PALS2: variants seen among roughly 807,000 people sequenced by gnomAD.
PALS2 encodes protein associated with LIN7 2, MAGUK p55 family member.
In PALS2, 27 loss-of-function variants were observed where a neutral mutation model predicts 61.6. The ratio of observed to expected loss-of-function variants is 0.44; its 90% CI spans 0.32 to 0.60. The LOEUF (loss-of-function observed/expected upper bound fraction) is 0.60. Ranked by LOEUF, PALS2 falls within the 20% of genes least tolerant of loss-of-function variation. The pLI is 0.05. For synonymous variants in PALS2, 236 were observed against 218.6 expected, an observed-to-expected ratio of 1.08 and a Z score of -0.70; for missense variants, 554 against 639.4, an observed-to-expected ratio of 0.87 and a Z score of 1.44.
rs181115022 is a variant in PALS2 at position 24,632,383 on chromosome 7, T to A, written c.117+8599T>A. Among the ~76,000 whole-genome samples, 41 of 152,334 alleles carry A rather than the reference T, an allele frequency of 2.7e-4. No individual in the cohort carries two copies. The East Asian group carries it at 5.6e-3, about 21-fold the overall frequency. ...AGACAACATGTAATTCGATCTTTTT[T>A]AATTCACTCTGACAGTCTCTTTGTT... On this transcript the variant is annotated intron_variant, in intron 2 of 11. Coordinates refer to ENST00000222644, the MANE Select transcript of PALS2 (RefSeq NM_001303037.2).
intron 2 of PALS2, among the ~76,000 whole-genome samples, chr7:24,639,748 T>A (rs1348268008): frequency 2.0e-5 from 3 of 151,778 alleles, no homozygotes; most frequent in Non-Finnish European, 4.4e-5. Context: ...CTTATCTGGC[T>A]TGTATTATAT....
At chr7:24,677,806 A>G (rs924267866) in intron 9 of PALS2, among the ~76,000 whole-genome samples, 4 of 152,216 alleles carry the variant, frequency 2.6e-5, no homozygotes, top group Admixed American at 1.3e-4. Context: ...TACTCTTCAC[A>G]GTAGTCTAAG....
intron 2 of PALS2, among the ~76,000 whole-genome samples, chr7:24,630,837 G>A (rs1344979700): frequency 6.6e-6 from 1 of 152,162 alleles, no homozygotes; most frequent in Non-Finnish European, 1.5e-5. Flanking sequence ...TTTACAGCAT[G>A]GTGTGCTACA....
intron 1 of PALS2, chr7:24,574,267 C>T (rs1354386766): frequency 6.6e-6 from 1 of 152,242 alleles, no homozygotes; most frequent in Non-Finnish European, 1.5e-5. Context: ...AGATCGTGCT[C>T]GCGGATTCTC....
At chr7:24,628,864 T>C (rs1784864400) in intron 2 of PALS2, among the ~76,000 whole-genome samples, 1 of 152,144 alleles carries the variant, frequency 6.6e-6, no homozygotes, top group Non-Finnish European at 1.5e-5. Flanking sequence ...TGGAAAAACA[T>C]TCCATGCTCA....
At chr7:24,646,799 T>C (rs1785854090) in intron 3 of PALS2, among the ~76,000 whole-genome samples, 1 of 152,184 alleles carries the variant, frequency 6.6e-6, no homozygotes, top group East Asian at 1.9e-4. Flanking sequence ...TTTTGGTTGA[T>C]AAACTATTTA....
intron 5 of PALS2, among the ~76,000 whole-genome samples, chr7:24,661,974 G>T (rs988661816): frequency 4.0e-5 from 6 of 151,890 alleles, no homozygotes; most frequent in African/African-American, 1.2e-4. Context: ...AATTATTTTG[G>T]TTTTTTCCCG....
At position 24,679,145 on chromosome 7, in the gene PALS2, C is replaced by T; in HGVS notation, c.1129C>T (p.Pro377Ser). The T allele has an allele frequency of 3.1e-6, 5 of 1,613,664 alleles. No homozygotes were observed. The highest frequency in any genetic ancestry group is 1.1e-5 in the South Asian group (1 of 91,064). Reference sequence around the variant, plus strand: ...ATTTTATTTAGTTACTTCACGGAAACCAAGGGAAGATGAAAAAGATGGCCA... The same window carrying T: ...ATTTTATTTAGTTACTTCACGGAAATCAAGGGAAGATGAAAAAGATGGCCA... ...GTTVPFTSRKPREDEKDGQAY... is the reference protein window; with the variant it reads ...GTTVPFTSRKSREDEKDGQAY... Residue 377 changes from proline (P) to serine (S), a missense_variant, in exon 10 of 12, where the codon CCA (proline) becomes TCA (serine). Transcript: ENST00000222644.
intron 3 of PALS2, among the ~76,000 whole-genome samples, chr7:24,645,136 T>C (rs2128074041): frequency 6.6e-6 from 1 of 152,348 alleles, no homozygotes; most frequent in East Asian, 1.9e-4. Flanking sequence ...TTCAGTTTAA[T>C]TAGATCTCAT....
intron 1 of PALS2, among the ~76,000 whole-genome samples, chr7:24,598,535 G>A (rs1254417682): frequency 1.3e-5 from 2 of 152,146 alleles, no homozygotes; most frequent in African/African-American, 4.8e-5. Flanking sequence ...TTATCAGATT[G>A]CCTAAGTTTC....
chr7:24,613,482 TG>T (rs1167394779), intron 1 of PALS2, among the ~76,000 whole-genome samples: 1 of 151,880 alleles, frequency 6.6e-6, no homozygotes, highest in Non-Finnish European at 1.5e-5. Context: ...CATTAATAAT[TG>T]TACATATTTA....
intron 5 of PALS2, among the ~76,000 whole-genome samples, chr7:24,655,709 T>C (rs1390636719): frequency 6.9e-6 from 1 of 144,464 alleles, no homozygotes; most frequent in Non-Finnish European, 1.5e-5. Flanking sequence ...TGATCTTGGC[T>C]CACTGCAGCA....
At chr7:24,639,431 C>G (rs901190862) in intron 2 of PALS2, among the ~76,000 whole-genome samples, 1 of 147,262 alleles carries the variant, frequency 6.8e-6, no homozygotes, top group African/African-American at 2.5e-5. Flanking sequence ...CACACACACA[C>G]ACTACTTAGA....
chr7:24,577,959 G>A (rs1168182307), intron 1 of PALS2, among the ~76,000 whole-genome samples: 1 of 151,840 alleles, frequency 6.6e-6, no homozygotes, highest in Non-Finnish European at 1.5e-5. Flanking sequence ...TTGTTTTTGA[G>A]ATAGAATCTC....
At chr7:24,650,149 A>G (rs1194838942) in intron 4 of PALS2, among the ~76,000 whole-genome samples, 1 of 152,174 alleles carries the variant, frequency 6.6e-6, no homozygotes, top group South Asian at 2.1e-4. Context: ...GAAGTTTACT[A>G]TTCCTTGGTA....
At chr7:24,671,834 G>A (rs1787312910) in intron 9 of PALS2, among the ~76,000 whole-genome samples, 1 of 151,814 alleles carries the variant, frequency 6.6e-6, no homozygotes, top group African/African-American at 2.4e-5. Context: ...CACCCTTTTT[G>A]AAAATCAATT....
At chr7:24,654,459 T>C (rs1786315343) in intron 5 of PALS2, among the ~76,000 whole-genome samples, 1 of 152,192 alleles carries the variant, frequency 6.6e-6, no homozygotes, top group South Asian at 2.1e-4. Flanking sequence ...CAAAACTCAA[T>C]TGCATTTCTG....
intron 3 of PALS2, among the ~76,000 whole-genome samples, chr7:24,644,735 G>A (rs1785742860): frequency 6.6e-6 from 1 of 151,930 alleles, no homozygotes; most frequent in Admixed American, 6.6e-5. Context: ...GCTTTCTACA[G>A]TGGTTGAGCT....
chr7:24,600,589 G>C (rs943790618), intron 1 of PALS2, among the ~76,000 whole-genome samples: 2 of 152,120 alleles, frequency 1.3e-5, no homozygotes, highest in African/African-American at 4.8e-5. Context: ...GGTGACACTA[G>C]ATAAACATGG....
Sources: gnomAD v4.1 joint callset for allele counts (sites outside exome capture counted in the v4.1 genomes callset) on GRCh38, gnomAD v4.1.1 for gene constraint, MANE v1.5 for transcripts, NCBI Gene and HGNC (gene_info 2026-07-23, HGNC 2026-07-21) for gene names.